The following CNTN6 variants were observed in gnomAD, a reference collection of about 807,000 sequenced individuals.
The protein encoded by CNTN6 is contactin-6.
CNTN6 carries 137 observed loss-of-function variants against 122.8 expected under a neutral mutation model. The observed-to-expected ratio is 1.12, with a 90% CI of 0.97 to 1.29. The LOEUF is 1.29. Ranked by LOEUF, CNTN6 falls within the 50% of genes most tolerant of loss-of-function variation. CNTN6 has a pLI of 0.00. For synonymous variants in CNTN6, 570 were observed against 426.0 expected (o/e 1.34, Z -4.16); for missense variants, 1,634 against 1,223.4 (o/e 1.34, Z -5.01).
intron 7 of CNTN6, among the ~76,000 whole-genome samples, chr3:1,320,485 T>A (rs544081828): frequency 6.6e-6 from 1 of 151,150 alleles, no homozygotes; most frequent in Non-Finnish European, 1.5e-5. Flanking sequence ...GCACTTTGCA[T>A]GTAGTTGGAT....
intron 19 of CNTN6, among the ~76,000 whole-genome samples, chr3:1,384,730 CAT>C (rs772047051): frequency 1.5e-4 from 18 of 117,044 alleles, no homozygotes; most frequent in African/African-American, 4.2e-4. Context: ...TATATACACA[CAT>C]ATATATACAT....
intron 17 of CNTN6, among the ~76,000 whole-genome samples, chr3:1,377,739 G>A (rs1174758484): frequency 6.6e-6 from 1 of 152,066 alleles, no homozygotes; most frequent in Non-Finnish European, 1.5e-5. Flanking sequence ...TCTCCATTCT[G>A]CTCTTTAATT....
intron 2 of CNTN6, among the ~76,000 whole-genome samples, chr3:1,214,390 C>A (rs12630281): frequency 0.089 from 12,301 of 138,336 alleles, 1,416 homozygotes; most frequent in East Asian, 0.51. Flanking sequence ...CTCACTGCAA[C>A]CTCTGCCTCC....
At chr3:1,254,963 T>C (rs2094728848) in intron 4 of CNTN6, among the ~76,000 whole-genome samples, 3 of 152,152 alleles carry the variant, frequency 2.0e-5, no homozygotes, top group Admixed American at 2.0e-4. Context: ...TGGTCACATA[T>C]GCAGTTACGT....
intron 11 of CNTN6, among the ~76,000 whole-genome samples, chr3:1,332,560 G>GA (rs1559849960): frequency 1.4e-5 from 2 of 144,670 alleles, no homozygotes; most frequent in Non-Finnish European, 3.1e-5. Flanking sequence ...GAGAAAGAGG[G>GA]GGAAAGAAAG....
chr3:1,132,647 ACT>A (rs2092367131), intron 1 of CNTN6, among the ~76,000 whole-genome samples: 1 of 146,410 alleles, frequency 6.8e-6, no homozygotes, highest in African/African-American at 2.6e-5. Context: ...ACAGAGGGAA[ACT>A]CTGTCTAAAA....
At chr3:1,112,571 G>A (rs1431338986) in intron 1 of CNTN6, among the ~76,000 whole-genome samples, 1 of 152,096 alleles carries the variant, frequency 6.6e-6, no homozygotes, top group East Asian at 1.9e-4. Flanking sequence ...TTCTGTTTTT[G>A]TTCCATCCAG....
intron 4 of CNTN6, among the ~76,000 whole-genome samples, chr3:1,246,887 T>G (rs553408133): frequency 6.6e-6 from 1 of 152,290 alleles, no homozygotes; most frequent in South Asian, 2.1e-4. Context: ...GTGTTGTCTT[T>G]GTTTTCATTA....
intron 4 of CNTN6, among the ~76,000 whole-genome samples, chr3:1,248,856 C>CAA (rs112815585): frequency 3.4e-5 from 5 of 146,866 alleles, no homozygotes; most frequent in African/African-American, 7.5e-5. Flanking sequence ...AACTCCATCT[C>CAA]AAAAAAAAAA....
intron 2 of CNTN6, among the ~76,000 whole-genome samples, chr3:1,170,345 A>G (rs975095364): frequency 2.0e-5 from 3 of 152,052 alleles, no homozygotes; most frequent in Non-Finnish European, 4.4e-5. Flanking sequence ...AGAAAGGACA[A>G]TAAGTGTTAT....
At chr3:1,278,042 T>C (rs1692735167) in intron 4 of CNTN6, among the ~76,000 whole-genome samples, 1 of 152,186 alleles carries the variant, frequency 6.6e-6, no homozygotes, top group African/African-American at 2.4e-5. Context: ...ACCATTAATC[T>C]AAGATGTTGG....
intron 21 of CNTN6, 44 bp from the exon 22 acceptor site, chr3:1,402,274 A>G (rs1267958749): frequency 4.5e-6 from 7 of 1,541,046 alleles, no homozygotes; most frequent in Non-Finnish European, 6.2e-6. Flanking sequence ...TGAACCTTAG[A>G]AAAGCAACAT....
chr3:1,187,139 C>T (rs1346048215), intron 2 of CNTN6, among the ~76,000 whole-genome samples: 1 of 152,102 alleles, frequency 6.6e-6, no homozygotes, highest in Non-Finnish European at 1.5e-5. Context: ...TCATAGACTT[C>T]CCACTGATAA....
At chr3:1,289,618 C>T (rs943511114) in intron 5 of CNTN6, among the ~76,000 whole-genome samples, 8 of 152,056 alleles carry the variant, frequency 5.3e-5, no homozygotes, top group Non-Finnish European at 1.2e-4. Context: ...TTTCCCTTCC[C>T]AGTGTGATGA....
chr3:1,381,871 CGTAGA>C (rs747403322), intron 17 of CNTN6, among the ~76,000 whole-genome samples: 3 of 152,036 alleles, frequency 2.0e-5, no homozygotes, highest in Non-Finnish European at 2.9e-5. Context: ...TGTTAGTCAC[CGTAGA>C]GTACAGAGAT....
intron 5 of CNTN6, among the ~76,000 whole-genome samples, chr3:1,293,046 T>G (rs1464897676): frequency 6.6e-6 from 1 of 152,190 alleles, no homozygotes; most frequent in Non-Finnish European, 1.5e-5. Context: ...AAGTAGCATT[T>G]ACTGTGCTCC....
rs930928658 is a variant in CNTN6 at position 1,130,309 on chromosome 3, C to G, written c.-82-17618C>G. 4.6e-5 allele frequency among the ~76,000 whole-genome samples: 7 copies of G among 152,010 alleles called. No individual in the cohort carries two copies. In the East Asian group the frequency reaches 7.7e-4, roughly 17 times the overall value. On this transcript the variant is annotated intron_variant, in intron 1 of 22. Coordinates refer to ENST00000446702, the MANE Select transcript of CNTN6 (RefSeq NM_001289080.2). ...TCACTCCCTTCACCCCTAGGATTTG[C>G]CACTGTAACCCTGAAAGATAACACG...
chr3:1,311,123 A>G (rs1699163135), intron 7 of CNTN6, among the ~76,000 whole-genome samples: 1 of 151,218 alleles, frequency 6.6e-6, no homozygotes, highest in African/African-American at 2.4e-5. Flanking sequence ...TTATATATAC[A>G]TAGGTGTATG....
chr3:1,192,136 TG>T (rs1322578889), intron 2 of CNTN6, among the ~76,000 whole-genome samples: 2 of 152,182 alleles, frequency 1.3e-5, no homozygotes, highest in Non-Finnish European at 2.9e-5. Context: ...AATTTTCTAA[TG>T]GATAAGCTCA....
Sources: allele counts gnomAD v4.1 joint callset (sites outside exome capture counted in the v4.1 genomes callset), GRCh38; gene constraint gnomAD v4.1.1; transcripts MANE v1.5; gene names NCBI Gene and HGNC (gene_info 2026-07-23, HGNC 2026-07-21).